Variants in MYH16 observed in about 807,000 individuals in gnomAD.
MYH16 encodes putative uncharacterized protein MYH16.
chr7:99,273,892 AAGGG>A (rs1332759679), intron 20 of MYH16, among the ~76,000 whole-genome samples: 2 of 151,470 alleles, frequency 1.3e-5, no homozygotes, highest in Non-Finnish European at 2.9e-5. Context: ...GGAGAGATGA[AAGGG>A]AGAGAGGAAA....
Position 99,288,350 on chromosome 7 carries a change from G to A in MYH16, n.3706+213G>A, listed in dbSNP as rs1364121519. ...GCTACTCAGGAGGCTGAGGCAGGAG[G>A]ATCGCTTGAGCCCAGGGGGTTGAGA... On this transcript the variant is annotated intron_variant and non_coding_transcript_variant, in intron 29 of 41. Transcript: ENST00000439784. Among the ~76,000 whole-genome samples, 7 of 152,148 alleles carry A rather than the reference G, an allele frequency of 4.6e-5. 1 individual carries two copies. The highest frequency in any genetic ancestry group is 8.8e-5 in the Non-Finnish European group (6 of 68,018).
At chr7:99,269,581 C>T (rs1266896025) in intron 18 of MYH16, among the ~76,000 whole-genome samples, 1 of 152,124 alleles carries the variant, frequency 6.6e-6, no homozygotes, top group Non-Finnish European at 1.5e-5. Flanking sequence ...TGGCTTATTT[C>T]CTTACCTTTC....
At chr7:99,287,172 G>C (rs1792291247) in intron 28 of MYH16, among the ~76,000 whole-genome samples, 3 of 152,150 alleles carry the variant, frequency 2.0e-5, no homozygotes, top group Admixed American at 2.0e-4. Context: ...TCAGTGGACT[G>C]TGGGGCTGAC....
At chr7:99,272,168 T>A (rs1792054486) in intron 19 of MYH16, among the ~76,000 whole-genome samples, 1 of 152,190 alleles carries the variant, frequency 6.6e-6, no homozygotes, top group Admixed American at 6.5e-5. Flanking sequence ...AGGACACAGC[T>A]TAACCCCTAA....
chr7:99,246,600 G>T (rs573515768), intron 2 of MYH16, among the ~76,000 whole-genome samples: 1 of 152,234 alleles, frequency 6.6e-6, no homozygotes, highest in East Asian at 1.9e-4. Flanking sequence ...TACTCAAGAG[G>T]CTGAGGCAGG....
At chr7:99,307,899 A>G (rs1254310768), downstream of MYH16, among the ~76,000 whole-genome samples, 2 of 151,974 alleles carry the variant, frequency 1.3e-5, no homozygotes, top group Non-Finnish European at 2.9e-5. Flanking sequence ...TATTTTTAGT[A>G]GAGACGGGGT....
At chr7:99,291,198 T>G (rs1438898642) in intron 30 of MYH16, 125 bp from the exon 12 acceptor site, 2 of 375,952 alleles carry the variant, frequency 5.3e-6, no homozygotes, top group Non-Finnish European at 1.0e-5. Flanking sequence ...TGCTCCCCAT[T>G]CCAGCTCCAT....
At chr7:99,283,476 C>T (rs959632623) in intron 23 of MYH16, 89 bp from the exon 6 acceptor site, 12 of 437,400 alleles carry the variant, frequency 2.7e-5, no homozygotes, top group Non-Finnish European at 4.1e-5. Context: ...CTGGGAGCTG[C>T]ATAGCTCAGA....
chr7:99,296,148 T>TAAAAAA (rs60180969), intron 33 of MYH16, among the ~76,000 whole-genome samples: 2 of 91,396 alleles, frequency 2.2e-5, no homozygotes, highest in East Asian at 2.9e-4. Context: ...CATCTCAATT[T>TAAAAAA]AAAAAAAAAA....
intron 22 of MYH16, among the ~76,000 whole-genome samples, chr7:99,280,442 G>T (rs1169562015): frequency 6.6e-6 from 1 of 152,204 alleles, no homozygotes; most frequent in Non-Finnish European, 1.5e-5. Flanking sequence ...ACAGCTCCCT[G>T]GGGGAAGCCC....
intron 33 of MYH16, among the ~76,000 whole-genome samples, chr7:99,294,519 AAAAAAG>A (rs869246392): frequency 0.02 from 2,576 of 130,342 alleles, 35 homozygotes; most frequent in Non-Finnish European, 0.032. Flanking sequence ...AAAAAAAAAA[AAAAAAG>A]AAAAAGAAAA....
At chr7:99,302,439 C>A (rs1489704298) in intron 38 of MYH16, among the ~76,000 whole-genome samples, 1 of 150,680 alleles carries the variant, frequency 6.6e-6, no homozygotes, top group East Asian at 1.9e-4. Context: ...GTGATGCATA[C>A]CATAATCCCA....
At chr7:99,299,405 G>T (rs1162648919) in intron 36 of MYH16, 61 bp from the exon 18 acceptor site, 1 of 152,326 alleles carries the variant, frequency 6.6e-6, no homozygotes, top group Non-Finnish European at 1.5e-5. Context: ...CTCTAGGAAG[G>T]CTTAGCACAG....
At chr7:99,290,109 G>A (rs1792346309) in intron 30 of MYH16, among the ~76,000 whole-genome samples, 1 of 152,190 alleles carries the variant, frequency 6.6e-6, no homozygotes. Context: ...TAGTCTACAG[G>A]TGGGCCTGTT....
At chr7:99,294,132 C>T (rs1214790533) in exon 33 of MYH16, 1 of 456,106 alleles carries the variant, frequency 2.2e-6, no homozygotes, top group African/African-American at 2.0e-5. Context: ...TTGAGGACCT[C>T]ACCATCGACT....
intron 17 of MYH16, chr7:99,266,848 T>C (rs1221954940): frequency 6.5e-6 from 1 of 152,700 alleles, no homozygotes; most frequent in Admixed American, 6.5e-5. Context: ...ATCTCTCTCC[T>C]GCCAGGTACC....
At chr7:99,295,323 A>T (rs1401264825) in intron 33 of MYH16, among the ~76,000 whole-genome samples, 6 of 150,342 alleles carry the variant, frequency 4.0e-5, no homozygotes, top group Non-Finnish European at 8.9e-5. Context: ...AGTTGCAGTG[A>T]GCCAAATCGT....
rs116652131 is a variant in MYH16 at position 99,297,096 on chromosome 7, C to T, written n.4499+179C>T. On this transcript the variant is annotated intron_variant and non_coding_transcript_variant, in intron 34 of 41. Transcript: ENST00000439784. ...CAGCATTCAGCAGTGTAACTTTAGG[C>T]GAGTTGCTTAATCTTTCTGTGCCTC... Among the ~76,000 whole-genome samples, 596 of 152,162 alleles carry T rather than the reference C, an allele frequency of 3.9e-3. 3 individuals are homozygous for T. The highest frequency in any genetic ancestry group is 0.014 in the African/African-American group (569 of 41,516).
intron 6 of MYH16, chr7:99,252,379 G>A (rs6465746): frequency 0.78 from 120,010 of 153,258 alleles, 48,309 homozygotes; most frequent in Non-Finnish European, 0.88. Context: ...GAGGGGAGGA[G>A]CAGAGGTGAG....
Sources: allele counts gnomAD v4.1 joint callset (sites outside exome capture counted in the v4.1 genomes callset), GRCh38; gene constraint gnomAD v4.1.1; transcripts MANE v1.5; gene names NCBI Gene and HGNC (gene_info 2026-07-23, HGNC 2026-07-21).